TYW1B: variants seen among roughly 807,000 people sequenced by gnomAD.
TYW1B encodes the protein tRNA-yW synthesizing protein 1 homolog B.
In TYW1B, 73 loss-of-function variants were observed where a neutral mutation model predicts 86.9. The observed-to-expected ratio is 0.84, with a 90% confidence interval of 0.70 to 1.02. TYW1B has a LOEUF of 1.02. Among genes scored for constraint, TYW1B ranks in the 50% least tolerant of loss-of-function variants. The pLI, the probability that TYW1B is intolerant of heterozygous loss-of-function variation, is 0.00. For synonymous variants in TYW1B, 248 were observed against 292.8 expected (o/e 0.85, Z 1.56); for missense variants, 637 against 827.4 (o/e 0.77, Z 2.82).
At position 72,632,376 on chromosome 7, in the gene TYW1B, T is replaced by TTATATATATGTATATATATAA. The variant is rs1812534018; in HGVS notation, c.1507-3380_1507-3379insTTATATATATACATATATATA. ...TATATTATATATATACGCATATATA[T>TTATATATATGTATATATATAA]TATATATATACGTATATATATATAA... On this transcript the variant is annotated intron_variant, in intron 11 of 13. Transcript: ENST00000620995. Among the ~76,000 whole-genome samples the TTATATATATGTATATATATAA allele has an allele frequency of 3.1e-5, 3 of 96,234 alleles. No individual in the cohort carries two copies. The Admixed American group carries it at 4.1e-4, about 13-fold the overall frequency. 63.1% of individuals were successfully genotyped at this position (96,234 alleles called of 152,430 possible).
chr7:72,670,348 C>T (rs1210003281), intron 11 of TYW1B, among the ~76,000 whole-genome samples: 3 of 152,166 alleles, frequency 2.0e-5, no homozygotes, highest in African/African-American at 7.2e-5. Flanking sequence ...CCTACCACCA[C>T]GCCCAACTAA....
chr7:72,642,994 C>T (rs1812838511), intron 11 of TYW1B, among the ~76,000 whole-genome samples: 2 of 152,258 alleles, frequency 1.3e-5, no homozygotes, highest in East Asian at 3.9e-4. Context: ...ATTGGAAGTT[C>T]TGAAATTAAA....
intron 11 of TYW1B, among the ~76,000 whole-genome samples, chr7:72,680,877 AC>A (rs1425543334): frequency 6.6e-6 from 1 of 152,276 alleles, no homozygotes; most frequent in East Asian, 1.9e-4. Context: ...CTTAAGCTAG[AC>A]TATAGTTACA....
At position 72,749,578 on chromosome 7, in the gene TYW1B, C is replaced by T. The variant is rs1322500492; in HGVS notation, c.965-4977G>A. 5.3e-5 allele frequency among the ~76,000 whole-genome samples: 8 copies of T among 152,170 alleles called. No individual in the cohort carries two copies. The East Asian group carries it at 7.7e-4, about 15-fold the overall frequency. ...AAGTGCTGGGATTACAGGCGTGAGC[C>T]GCCGCACCCAGCCTCTTTCAAGTCT... On this transcript the variant is annotated intron_variant, in intron 7 of 13. Coordinates refer to ENST00000620995, the MANE Select transcript of TYW1B (RefSeq NM_001145440.3).
At chr7:72,770,539 T>C (rs1787849889) in intron 7 of TYW1B, among the ~76,000 whole-genome samples, 1 of 151,898 alleles carries the variant, frequency 6.6e-6, no homozygotes, top group South Asian at 2.1e-4. Flanking sequence ...GGTGAGAATG[T>C]GTAACAAATG....
intron 6 of TYW1B, among the ~76,000 whole-genome samples, chr7:72,778,100 T>A (rs1330746087): frequency 1.3e-5 from 2 of 152,128 alleles, no homozygotes; most frequent in African/African-American, 4.8e-5. Context: ...CCAAAAACCA[T>A]AAATCTACAA....
At chr7:72,634,487 C>A (rs1271987413) in intron 11 of TYW1B, among the ~76,000 whole-genome samples, 2 of 150,022 alleles carry the variant, frequency 1.3e-5, no homozygotes, top group African/African-American at 5.0e-5. Flanking sequence ...ACGTGCCCAG[C>A]TGTACTTGTC....
At chr7:72,806,108 C>T (rs547047660) in intron 5 of TYW1B, among the ~76,000 whole-genome samples, 3 of 151,988 alleles carry the variant, frequency 2.0e-5, no homozygotes, top group East Asian at 1.9e-4. Context: ...GATAATGAGA[C>T]GTGAGCTCAG....
At chr7:72,686,994 A>G (rs1193160902) in intron 11 of TYW1B, among the ~76,000 whole-genome samples, 3 of 152,360 alleles carry the variant, frequency 2.0e-5, no homozygotes, top group Non-Finnish European at 4.4e-5. Context: ...AGAGGAAAAC[A>G]TAAGAAACTA....
At chr7:72,697,107 A>G (rs1814339739) in intron 10 of TYW1B, among the ~76,000 whole-genome samples, 1 of 151,884 alleles carries the variant, frequency 6.6e-6, no homozygotes, top group Non-Finnish European at 1.5e-5. Flanking sequence ...CTGATAACTA[A>G]CAGGACTTTG....
intron 11 of TYW1B, among the ~76,000 whole-genome samples, chr7:72,659,809 C>A (rs556943347): frequency 1.5e-4 from 23 of 152,220 alleles, no homozygotes; most frequent in African/African-American, 4.8e-4. Context: ...TTTCAAGAGG[C>A]AACTGATGGT....
chr7:72,652,370 T>C (rs111693203), intron 11 of TYW1B, among the ~76,000 whole-genome samples: 3,267 of 100,256 alleles, frequency 0.033, 65 homozygotes, highest in Non-Finnish European at 0.045. Flanking sequence ...AGAGCAAGAC[T>C]CTGTCTGAAA....
At chr7:72,814,028 AAG>A (rs1170821725) in intron 3 of TYW1B, among the ~76,000 whole-genome samples, 1 of 151,280 alleles carries the variant, frequency 6.6e-6, no homozygotes, top group Non-Finnish European at 1.5e-5. Context: ...AAAAAAAAAA[AAG>A]ATATTAACCA....
intron 6 of TYW1B, among the ~76,000 whole-genome samples, chr7:72,780,679 C>T (rs1364779767): frequency 6.6e-6 from 1 of 152,112 alleles, no homozygotes; most frequent in African/African-American, 2.4e-5. Context: ...TGTTGCAACC[C>T]CAGAGTCAGT....
intron 13 of TYW1B, among the ~76,000 whole-genome samples, chr7:72,579,214 C>T (rs1554429267): frequency 1.3e-5 from 2 of 152,166 alleles, no homozygotes; most frequent in Non-Finnish European, 2.9e-5. Context: ...CCAACTTCCT[C>T]ACTTCTAATG....
intron 11 of TYW1B, among the ~76,000 whole-genome samples, chr7:72,675,933 T>G (rs1813725398): frequency 6.6e-6 from 1 of 152,192 alleles, no homozygotes; most frequent in African/African-American, 2.4e-5. Context: ...CATGAAAATC[T>G]TAACATCACA....
intron 13 of TYW1B, among the ~76,000 whole-genome samples, chr7:72,609,259 A>G (rs1811874825): frequency 6.6e-6 from 1 of 152,118 alleles, no homozygotes. Flanking sequence ...AAGTCCCAGG[A>G]TTATTAGTAG....
At chr7:72,782,205 C>T (rs76479640) in intron 6 of TYW1B, among the ~76,000 whole-genome samples, 1 of 152,128 alleles carries the variant, frequency 6.6e-6, no homozygotes. Flanking sequence ...GGCAGAATCA[C>T]TTGAGCCCAG....
chr7:72,726,319 C>G (rs1423507380), intron 9 of TYW1B, among the ~76,000 whole-genome samples: 1 of 151,880 alleles, frequency 6.6e-6, no homozygotes, highest in Non-Finnish European at 1.5e-5. Context: ...GGTCAACTTT[C>G]CCTAGAAAAT....
Sources: allele counts gnomAD v4.1 joint callset (sites outside exome capture counted in the v4.1 genomes callset), GRCh38; gene constraint gnomAD v4.1.1; transcripts MANE v1.5; gene names NCBI Gene and HGNC (gene_info 2026-07-23, HGNC 2026-07-21).